The following TMEM255B variants were observed in gnomAD, a reference collection of about 807,000 sequenced individuals.
TMEM255B encodes the protein family with sequence similarity 70, member B.
TMEM255B carries 35 observed loss-of-function variants against 34.5 expected under a neutral mutation model. The ratio of observed to expected loss-of-function variants is 1.01; its 90% confidence interval spans 0.77 to 1.34. The LOEUF is 1.34. Among genes scored for constraint, TMEM255B ranks in the 40% most tolerant of loss-of-function variants. The pLI is 0.00. For missense variants in TMEM255B, 432 were observed against 433.2 expected (o/e 1.00, Z 0.02); for synonymous variants, 206 against 201.2 (o/e 1.02, Z -0.20).
chr13:113,776,941 T>C (rs1293270025), intron 3 of TMEM255B, among the ~76,000 whole-genome samples: 1 of 152,096 alleles, frequency 6.6e-6, no homozygotes, highest in East Asian at 1.9e-4. Flanking sequence ...GGTTACGAGG[T>C]AGAGCTTCGC....
At chr13:113,801,419 G>C (rs1349021927) in intron 6 of TMEM255B, among the ~76,000 whole-genome samples, 2 of 152,300 alleles carry the variant, frequency 1.3e-5, no homozygotes, top group East Asian at 3.9e-4. Flanking sequence ...GGGCGGGCCC[G>C]CCAGGCCCAG....
chr13:113,772,090 G>A (rs372182521), intron 3 of TMEM255B, among the ~76,000 whole-genome samples: 16 of 152,156 alleles, frequency 1.1e-4, no homozygotes, highest in African/African-American at 3.4e-4. Context: ...TTTCCCTGAT[G>A]ATTAGTGATG....
chr13:113,813,553 G>C lies in TMEM255B; in HGVS notation c.*1650G>C, dbSNP rs866799809. 6.7e-6 allele frequency: 1 copy of C among 148,752 alleles called. No homozygotes were observed. Among genetic ancestry groups the C allele is most frequent in the African/African-American group, 2.4e-5 (1 of 41,008 alleles). 9.2% of individuals were successfully genotyped at this position (148,752 alleles called of 1,614,324 possible). A position where few individuals can be genotyped will look rare whatever the true frequency, so the allele number is the denominator to read the frequency against. On this transcript the variant is annotated 3_prime_UTR_variant, in exon 9 of 9. Transcript: ENST00000375353. Reference sequence around the variant, plus strand: ...CTCTGCTGCCCGGGAGCCTCCCTCTGTCCGATGGAGGGTCTCACACAGCCT... The same window carrying C: ...CTCTGCTGCCCGGGAGCCTCCCTCTCTCCGATGGAGGGTCTCACACAGCCT...
At position 113,811,925 on chromosome 13, in the gene TMEM255B, A is replaced by C. The variant is rs1392618690; in HGVS notation, c.*22A>C. On this transcript the variant is annotated 3_prime_UTR_variant, in exon 9 of 9. Transcript: ENST00000375353. ...CTGATAGAGGCGTGGAGTAAAAGATAACTTGTTTGTTTTTTTTTTTAAAAA... is the reference window on the plus strand; with the variant it reads ...CTGATAGAGGCGTGGAGTAAAAGATCACTTGTTTGTTTTTTTTTTTAAAAA... 2 of 1,544,750 alleles carry C rather than the reference A, an allele frequency of 1.3e-6. No homozygotes were observed. Among genetic ancestry groups the C allele is most frequent in the East Asian group, 2.3e-5 (1 of 43,174 alleles).
At chr13:113,809,613 G>A (rs2051262672) in intron 8 of TMEM255B, among the ~76,000 whole-genome samples, 1 of 149,784 alleles carries the variant, frequency 6.7e-6, no homozygotes, top group Non-Finnish European at 1.5e-5. Context: ...CGTGGTTCCT[G>A]AGAGTTTACT....
At chr13:113,775,578 A>T (rs1235880855) in intron 3 of TMEM255B, among the ~76,000 whole-genome samples, 1 of 152,216 alleles carries the variant, frequency 6.6e-6, no homozygotes, top group Non-Finnish European at 1.5e-5. Flanking sequence ...AGTAGGTCCC[A>T]CAAGGGCCGG....
At chr13:113,781,475 T>C (rs957704841) in intron 3 of TMEM255B, among the ~76,000 whole-genome samples, 2 of 152,266 alleles carry the variant, frequency 1.3e-5, no homozygotes, top group South Asian at 2.1e-4. Context: ...ACACCTTGCA[T>C]GTAAACTGTT....
At chr13:113,763,110 GT>G (rs1249013245) in intron 1 of TMEM255B, among the ~76,000 whole-genome samples, 1 of 152,192 alleles carries the variant, frequency 6.6e-6, no homozygotes, top group East Asian at 1.9e-4. Context: ...ATTGGCAGGT[GT>G]TACATGGAGG....
chr13:113,791,171 A>G (rs2050826646), intron 3 of TMEM255B, among the ~76,000 whole-genome samples: 1 of 152,184 alleles, frequency 6.6e-6, no homozygotes, highest in South Asian at 2.1e-4. Context: ...GCTGGGTTGC[A>G]GCAGGTTCCT....
In TMEM255B at chr13:113,766,257, T is replaced by C. The variant is rs2050387250; in HGVS notation, c.189T>C (p.Ile63=). The C allele has an allele frequency of 1.2e-6, 2 of 1,613,980 alleles. No individual in the cohort carries two copies. Among genetic ancestry groups the C allele is most frequent in the Non-Finnish European group, 8.5e-7 (1 of 1,179,900 alleles). The change falls in exon 2 of 9, where the codon ATT becomes ATC. Residue 63 remains isoleucine, a splice_region_variant and synonymous_variant. Coordinates refer to ENST00000375353, the MANE Select transcript of TMEM255B (RefSeq NM_182614.4). ...TTGGGGGCTACTACCCAGGGATCAT[T>C]GTGAGTGCGCCGGGCGGGCGGCCTG... ...VTVGGYYPGI[I]LGFGSFLGII... is the part of the protein sequence containing the mutation.
intron 3 of TMEM255B, among the ~76,000 whole-genome samples, chr13:113,783,471 G>A (rs2050695598): frequency 2.6e-5 from 4 of 152,182 alleles, no homozygotes; most frequent in African/African-American, 7.2e-5. Context: ...TCAATGTCAT[G>A]CCAAGTTAAA....
intron 8 of TMEM255B, among the ~76,000 whole-genome samples, chr13:113,808,819 G>A (rs28623354): frequency 0.31 from 30,452 of 98,356 alleles, 5,945 homozygotes; most frequent in East Asian, 0.64. Flanking sequence ...CATGTTTCCT[G>A]GGGGTTTACT....
chr13:113,765,051 G>C (rs529482225), intron 1 of TMEM255B, among the ~76,000 whole-genome samples: 1 of 152,200 alleles, frequency 6.6e-6, no homozygotes, highest in African/African-American at 2.4e-5. Context: ...GAGTGATCTG[G>C]TCCCCTCCAA....
chr13:113,761,133 G>A lies in TMEM255B; in HGVS notation c.46+1818G>A, dbSNP rs926382742. On this transcript the variant is annotated intron_variant, in intron 1 of 8. Coordinates refer to ENST00000375353, the MANE Select transcript of TMEM255B (RefSeq NM_182614.4). ...ACAGTTTTACCTGGGATTGTTACTT[G>A]GACACCATGACTGGTGTCCCCACAT... 2.5e-5 allele frequency: 24 copies of A among 963,378 alleles called. No homozygotes were observed. The African/African-American group carries it at 3.7e-4, about 15-fold the overall frequency. The allele number at this position is 963,378 out of a possible 1,614,324, so 59.7% of individuals were successfully genotyped here.
At chr13:113,798,878 A>ATGATTGGG (rs1403233916) in intron 4 of TMEM255B, among the ~76,000 whole-genome samples, 1 of 152,024 alleles carries the variant, frequency 6.6e-6, no homozygotes, top group Non-Finnish European at 1.5e-5. Flanking sequence ...GGATGATTGG[A>ATGATTGGG]TGGATGGTTG....
intron 5 of TMEM255B, among the ~76,000 whole-genome samples, chr13:113,800,294 G>C (rs2051025640): frequency 1.9e-5 from 2 of 102,608 alleles, no homozygotes; most frequent in Non-Finnish European, 4.0e-5. Flanking sequence ...GTCAGGGGAG[G>C]CGTCCTCTGT....
chr13:113,801,872 C>T (rs943346674), intron 7 of TMEM255B, 60 bp downstream of exon 7: 1 of 1,490,646 alleles, frequency 6.7e-7, no homozygotes, highest in Non-Finnish European at 9.0e-7. Flanking sequence ...GGGTCCATTT[C>T]CCCGGGGTGG....
chr13:113,776,511 G>A (rs982027284), intron 3 of TMEM255B, among the ~76,000 whole-genome samples: 1 of 152,216 alleles, frequency 6.6e-6, no homozygotes, highest in African/African-American at 2.4e-5. Context: ...GCTGCTGTCC[G>A]AGCTGTGAGC....
At chr13:113,761,255 C>G in intron 1 of TMEM255B, 16 of 985,372 alleles carry the variant, frequency 1.6e-5, no homozygotes, top group Non-Finnish European at 1.9e-5. Context: ...ACCTCCCATG[C>G]TTTGTGACAT....
Sources: allele counts gnomAD v4.1 joint callset (sites outside exome capture counted in the v4.1 genomes callset), GRCh38; gene constraint gnomAD v4.1.1; transcripts MANE v1.5; gene names NCBI Gene and HGNC (gene_info 2026-07-23, HGNC 2026-07-21).